Variants in COL21A1 observed in about 807,000 individuals in gnomAD.
The protein encoded by COL21A1 is collagen alpha-1(XXI) chain.
A neutral mutation model predicts 137.9 loss-of-function variants in COL21A1; 149 were observed. The ratio of observed to expected loss-of-function variants is 1.08; its 90% CI spans 0.95 to 1.24. The LOEUF (loss-of-function observed/expected upper bound fraction) is 1.24, where lower values mean the gene tolerates loss of function less well. COL21A1 is among the 50% of genes most tolerant of loss of function. The pLI is 0.00. For synonymous variants in COL21A1, 456 were observed against 391.5 expected (o/e 1.16, Z -1.95); for missense variants, 1,167 against 1,158.4 (o/e 1.01, Z -0.11).
chr6:56,150,514 T>TCACA (rs747022399), intron 10 of COL21A1, among the ~76,000 whole-genome samples: 2,616 of 45,774 alleles, frequency 0.057, 43 homozygotes, highest in Middle Eastern at 0.11. Context: ...CGAGACTCCA[T>TCACA]CACACACACA....
chr6:56,164,641 C>A, intron 8 of COL21A1, 135 bp from the exon 9 acceptor site: 1 of 867,154 alleles, frequency 1.2e-6, no homozygotes, highest in African/African-American at 1.7e-5. Context: ...TTTATCTAAC[C>A]CAACCCAATA....
chr6:56,260,891 T>TGTGTGTGTCC (rs1582739777), intron 1 of COL21A1, among the ~76,000 whole-genome samples: 1 of 150,668 alleles, frequency 6.6e-6, no homozygotes, highest in Non-Finnish European at 1.5e-5. Context: ...TGTGTGTGTG[T>TGTGTGTGTCC]GTACCTTTTA....
intron 16 of COL21A1, among the ~76,000 whole-genome samples, chr6:56,112,128 G>A (rs1771483748): frequency 6.6e-6 from 1 of 152,086 alleles, no homozygotes; most frequent in Admixed American, 6.5e-5. Flanking sequence ...TCTAAAAATA[G>A]TTTCCCACAT....
intron 1 of COL21A1, among the ~76,000 whole-genome samples, chr6:56,339,427 G>A (rs998920862): frequency 6.6e-6 from 1 of 152,180 alleles, no homozygotes; most frequent in Non-Finnish European, 1.5e-5. Flanking sequence ...TTATTTTGTA[G>A]TTGTGGTTCT....
intron 16 of COL21A1, among the ~76,000 whole-genome samples, chr6:56,106,818 G>A (rs1367568224): frequency 6.6e-6 from 1 of 150,542 alleles, no homozygotes; most frequent in Non-Finnish European, 1.5e-5. Flanking sequence ...ACAGAGTTTC[G>A]CTCTGTCGCC....
intron 1 of COL21A1, among the ~76,000 whole-genome samples, chr6:56,281,753 C>A (rs1247745957): frequency 6.6e-6 from 1 of 152,072 alleles, no homozygotes; most frequent in Non-Finnish European, 1.5e-5. Context: ...AATAGAAATA[C>A]CTGATCCTTG....
intron 1 of COL21A1, among the ~76,000 whole-genome samples, chr6:56,228,254 G>C (rs1477014203): frequency 6.6e-6 from 1 of 151,892 alleles, no homozygotes; most frequent in African/African-American, 2.4e-5. Context: ...TAGGGAGAAT[G>C]GTGTACAGGA....
At chr6:56,214,127 G>A (rs1381293204) in intron 1 of COL21A1, among the ~76,000 whole-genome samples, 2 of 151,934 alleles carry the variant, frequency 1.3e-5, no homozygotes, top group African/African-American at 2.4e-5. Flanking sequence ...CTTGGAGCAG[G>A]AATCACAGGA....
At chr6:56,118,759 T>A (rs981764331) in intron 16 of COL21A1, among the ~76,000 whole-genome samples, 9 of 152,006 alleles carry the variant, frequency 5.9e-5, no homozygotes, top group African/African-American at 2.2e-4. Flanking sequence ...ATCGCTGGGA[T>A]AAAAGAATGG....
At chr6:56,089,787 A>T (rs910660594) in intron 17 of COL21A1, among the ~76,000 whole-genome samples, 3 of 152,254 alleles carry the variant, frequency 2.0e-5, no homozygotes, top group Non-Finnish European at 4.4e-5. Context: ...CATTCTAAGA[A>T]TTAATCATAC....
At chr6:56,134,923 T>C (rs996602439) in intron 12 of COL21A1, among the ~76,000 whole-genome samples, 3 of 152,154 alleles carry the variant, frequency 2.0e-5, no homozygotes, top group Non-Finnish European at 1.5e-5. Flanking sequence ...CTCTTTCTTT[T>C]GTAAATTGCC....
Position 56,370,189 on chromosome 6 carries a change from C to T in COL21A1, c.-39+23782G>A, listed in dbSNP as rs928824183. ...ACATGGAGTCTGATCTCCAGGTCCT[C>T]GCCTACATTCACGTTCCCAGCAGTG... On this transcript the variant is annotated intron_variant, in intron 1 of 28. Coordinates refer to the COL21A1 transcript ENST00000370819. Among the ~76,000 whole-genome samples, 6 of 152,286 alleles carry T rather than the reference C, an allele frequency of 3.9e-5. No homozygotes were observed. The East Asian group carries it at 5.8e-4, about 15-fold the overall frequency.
At chr6:56,283,766 G>A (rs970262250) in intron 1 of COL21A1, among the ~76,000 whole-genome samples, 1 of 151,968 alleles carries the variant, frequency 6.6e-6, no homozygotes, top group South Asian at 2.1e-4. Context: ...TAAACCTTGT[G>A]AAAGAATATG....
intron 1 of COL21A1, among the ~76,000 whole-genome samples, chr6:56,237,806 A>G (rs188827218): frequency 6.6e-6 from 1 of 152,296 alleles, no homozygotes; most frequent in Admixed American, 6.5e-5. Flanking sequence ...TCATTTAATT[A>G]ATTTAGAATG....
At chr6:56,299,051 G>C (rs994495258) in intron 1 of COL21A1, among the ~76,000 whole-genome samples, 1 of 152,092 alleles carries the variant, frequency 6.6e-6, no homozygotes, top group Non-Finnish European at 1.5e-5. Flanking sequence ...TGTAATGAGA[G>C]AGAGCAGGGA....
rs146329528 is a variant in COL21A1 at position 56,157,362 on chromosome 6, G to T, written c.1372-413C>A. Among the ~76,000 whole-genome samples the T allele has an allele frequency of 3.0e-3, 424 of 141,152 alleles. 13 individuals carry two copies. In the East Asian group the frequency reaches 0.034, roughly 11 times the overall value. 92.6% of individuals were successfully genotyped at this position (141,152 alleles called of 152,430 possible). ...GTCTTGCTCTGTCACCCAGGCTGCAGTGCAGTGATGCGATCTCGGCTCACT... is the reference window on the plus strand; with the variant it reads ...GTCTTGCTCTGTCACCCAGGCTGCATTGCAGTGATGCGATCTCGGCTCACT... On this transcript the variant is annotated intron_variant, in intron 9 of 29. Transcript: ENST00000244728.
Position 56,279,812 on chromosome 6 carries a change from T to G in COL21A1, c.-38-97156A>C, listed in dbSNP as rs115665095. 3.2e-3 allele frequency among the ~76,000 whole-genome samples: 483 copies of G among 152,316 alleles called. 2 individuals carry two copies. The highest frequency in any genetic ancestry group is 0.011 in the African/African-American group (461 of 41,580). On this transcript the variant is annotated intron_variant, in intron 1 of 28. Coordinates refer to the COL21A1 transcript ENST00000370819. ...ACTACCAGTGTCAGATAGCTTTGCATCTTGACTATGTGATTCAGATGATAA... is the reference window on the plus strand; with the variant it reads ...ACTACCAGTGTCAGATAGCTTTGCAGCTTGACTATGTGATTCAGATGATAA...
At chr6:56,276,052 T>G (rs1763640586) in intron 1 of COL21A1, among the ~76,000 whole-genome samples, 1 of 151,448 alleles carries the variant, frequency 6.6e-6, no homozygotes, top group Non-Finnish European at 1.5e-5. Flanking sequence ...TAAAAAAGAG[T>G]GAAATGTCCT....
At chr6:56,122,850 T>C (rs904595300) in intron 16 of COL21A1, among the ~76,000 whole-genome samples, 6 of 152,172 alleles carry the variant, frequency 3.9e-5, no homozygotes, top group Admixed American at 2.0e-4. Flanking sequence ...CCATTCTAGA[T>C]AGGTAACATT....
Sources: gnomAD v4.1 joint callset for allele counts (sites outside exome capture counted in the v4.1 genomes callset) on GRCh38, gnomAD v4.1.1 for gene constraint, MANE v1.5 for transcripts, NCBI Gene and HGNC (gene_info 2026-07-23, HGNC 2026-07-21) for gene names.